Variants in MAL2 observed in about 807,000 individuals in gnomAD.
MAL2 encodes protein MAL2.
Under a neutral mutation model 18.1 loss-of-function variants are expected in MAL2, and 17 were observed. That is an observed-to-expected ratio of 0.94 (90% CI 0.64 to 1.41). MAL2 has a LOEUF of 1.41. Ranked by LOEUF, MAL2 falls within the 40% of genes most tolerant of loss-of-function variation. MAL2 has a pLI of 0.00. For missense variants in MAL2, 222 were observed against 231.9 expected (o/e 0.96, Z 0.28); for synonymous variants, 102 against 102.3 (o/e 1.00, Z 0.02).
intron 2 of MAL2, among the ~76,000 whole-genome samples, chr8:119,226,508 G>A (rs1357558178): frequency 9.5e-6 from 1 of 105,372 alleles, no homozygotes; most frequent in Non-Finnish European, 1.7e-5. Flanking sequence ...GCGGGCGGGG[G>A]GTGGGGTGGA....
intron 1 of MAL2, among the ~76,000 whole-genome samples, chr8:119,219,884 G>T (rs1184996235): frequency 1.3e-5 from 2 of 152,110 alleles, no homozygotes; most frequent in Admixed American, 6.6e-5. Context: ...GAAAAATGTT[G>T]TAAATGATGT....
At position 119,245,130 on chromosome 8, in the gene MAL2, A is replaced by AT. The variant is rs1181162693; in HGVS notation, c.*1642_*1643insT. On this transcript the variant is annotated 3_prime_UTR_variant, in exon 4 of 4. Coordinates refer to ENST00000614891, the MANE Select transcript of MAL2 (RefSeq NM_052886.3). ...AAAGACAGAAGACATGAGGAAAAAC[A>AT]AAAGGTTTGAGGAAATCAGGCATAT... The AT allele has an allele frequency of 6.6e-6, 1 of 152,606 alleles. No individual in the cohort carries two copies. Among genetic ancestry groups the AT allele is most frequent in the Non-Finnish European group, 1.5e-5 (1 of 68,032 alleles). The allele number at this position is 152,606 out of a possible 1,614,324, so 9.5% of individuals were successfully genotyped here.
intron 1 of MAL2, among the ~76,000 whole-genome samples, chr8:119,210,472 A>G (rs1817252747): frequency 6.6e-6 from 1 of 151,740 alleles, no homozygotes; most frequent in Non-Finnish European, 1.5e-5. Context: ...TGCTGTACTT[A>G]ATAACTTGAA....
chr8:119,224,088 G>T (rs1377980709), intron 2 of MAL2: 2 of 152,146 alleles, frequency 1.3e-5, no homozygotes, highest in African/African-American at 4.8e-5. Context: ...TGTATTTGTT[G>T]TAGGATATTG....
intron 2 of MAL2, among the ~76,000 whole-genome samples, chr8:119,232,904 G>C (rs903688815): frequency 3.9e-5 from 6 of 152,138 alleles, no homozygotes; most frequent in Non-Finnish European, 7.4e-5. Context: ...AGTTTTGAGT[G>C]AGTTTCTTAA....
intron 2 of MAL2, among the ~76,000 whole-genome samples, chr8:119,222,260 G>T (rs1272092300): frequency 6.6e-6 from 1 of 152,052 alleles, no homozygotes; most frequent in African/African-American, 2.4e-5. Context: ...GCCGGGCGTG[G>T]TAGCTCATGC....
At chr8:119,232,015 AAC>A (rs1817741188) in intron 2 of MAL2, among the ~76,000 whole-genome samples, 1 of 152,176 alleles carries the variant, frequency 6.6e-6, no homozygotes, top group South Asian at 2.1e-4. Flanking sequence ...TATAGTTAAT[AAC>A]AGTGTATTAT....
At chr8:119,240,406 GT>G in intron 3 of MAL2, 86 bp downstream of exon 3, 2 of 1,392,312 alleles carry the variant, frequency 1.4e-6, no homozygotes, top group Non-Finnish European at 2.0e-6. Context: ...GGCAACAATA[GT>G]TTTCTTCAAT....
At chr8:119,242,262 T>C (rs1415013298) in intron 3 of MAL2, among the ~76,000 whole-genome samples, 1 of 152,166 alleles carries the variant, frequency 6.6e-6, no homozygotes, top group East Asian at 1.9e-4. Context: ...GGCCTAGTTT[T>C]CCGTGTTCTC....
In MAL2 at chr8:119,237,834, A is replaced by C. The variant is rs539391435; in HGVS notation, c.304-2331A>C. On this transcript the variant is annotated intron_variant, in intron 2 of 3. Transcript: ENST00000614891. ...ATGACAAACCCACAGCCAATATCAT[A>C]CTGAATGGGCAAAAACTGGAAGCAT... Among the ~76,000 whole-genome samples, 15 of 152,224 alleles carry C rather than the reference A, an allele frequency of 9.9e-5. No individual in the cohort carries two copies. In the South Asian group the frequency reaches 3.1e-3, roughly 32 times the overall value.
intron 2 of MAL2, among the ~76,000 whole-genome samples, chr8:119,231,254 T>A (rs982301436): frequency 6.6e-6 from 1 of 152,074 alleles, no homozygotes; most frequent in Non-Finnish European, 1.5e-5. Flanking sequence ...GGATGGTCTC[T>A]CTCTCCTGAC....
At chr8:119,227,612 C>T (rs979508153) in intron 2 of MAL2, among the ~76,000 whole-genome samples, 3 of 152,206 alleles carry the variant, frequency 2.0e-5, no homozygotes, top group Admixed American at 1.3e-4. Flanking sequence ...CTGTCAGCTA[C>T]CTGCACCCCT....
rs1203203988 is a variant in MAL2 at position 119,243,467 on chromosome 8, T to C, written c.510T>C (p.Ala170=). The change falls in exon 4 of 4, where the codon GCT becomes GCC. Residue 170 remains alanine (A), a synonymous_variant. Transcript: ENST00000614891. ...GTTATGGTTGCAGTTTGGGTCTGGC[T>C]TTACGAAGATGGCGACCGTAACACT... ...TACYGCSLGL[A]LRRWRP is the part of the protein sequence containing the mutation. The C allele has an allele frequency of 6.2e-7, 1 of 1,601,586 alleles. No individual in the cohort carries two copies. The highest frequency in any genetic ancestry group is 2.2e-5 in the East Asian group (1 of 44,656).
intron 2 of MAL2, among the ~76,000 whole-genome samples, chr8:119,235,258 TAAA>T (rs1009151760): frequency 9.9e-5 from 15 of 151,872 alleles, no homozygotes; most frequent in Non-Finnish European, 2.1e-4. Context: ...GAAAAAAGAA[TAAA>T]AAGAAATGAG....
intron 2 of MAL2, among the ~76,000 whole-genome samples, chr8:119,235,144 G>C (rs1009343747): frequency 2.6e-5 from 4 of 152,082 alleles, no homozygotes; most frequent in Admixed American, 2.6e-4. Context: ...ACCAAGGCTC[G>C]AGAACTATGT....
chr8:119,213,794 G>A (rs1030460721), intron 1 of MAL2, among the ~76,000 whole-genome samples: 1 of 151,972 alleles, frequency 6.6e-6, no homozygotes, highest in Non-Finnish European at 1.5e-5. Context: ...CTCCAGCCTG[G>A]GAAATAAGAG....
chr8:119,222,040 T>A (rs1391362856), intron 2 of MAL2, among the ~76,000 whole-genome samples: 1 of 152,216 alleles, frequency 6.6e-6, no homozygotes, highest in Non-Finnish European at 1.5e-5. Context: ...GCAAATGAAT[T>A]GCATTACAAT....
chr8:119,211,716 G>A (rs74688652), intron 1 of MAL2, among the ~76,000 whole-genome samples: 7 of 48,074 alleles, frequency 1.5e-4, no homozygotes, highest in Non-Finnish European at 2.4e-4. Flanking sequence ...TTTTTTTTTT[G>A]AGATAGGGAG....
At chr8:119,213,817 C>T (rs1342677132) in intron 1 of MAL2, among the ~76,000 whole-genome samples, 1 of 151,950 alleles carries the variant, frequency 6.6e-6, no homozygotes, top group East Asian at 1.9e-4. Context: ...AAACTACATC[C>T]CCAAAATAAT....
Sources: gnomAD v4.1 joint callset for allele counts (sites outside exome capture counted in the v4.1 genomes callset) on GRCh38, gnomAD v4.1.1 for gene constraint, MANE v1.5 for transcripts, NCBI Gene and HGNC (gene_info 2026-07-23, HGNC 2026-07-21) for gene names.